Variants in EPHB1 observed in about 807,000 individuals in gnomAD.
EPHB1 encodes the protein EPH receptor B1.
Under a neutral mutation model 94.4 loss-of-function variants are expected in EPHB1, and 30 were observed. The observed-to-expected ratio is 0.32, with a 90% CI of 0.24 to 0.43. The LOEUF (loss-of-function observed/expected upper bound fraction) is 0.43, where lower values mean the gene tolerates loss of function less well. EPHB1 is among the 20% of genes least tolerant of loss of function. The probability of loss-of-function intolerance (pLI) is 1.00; values close to 1 mark genes in which losing one functional copy is unlikely to be tolerated. For synonymous variants in EPHB1, 522 were observed against 489.1 expected (o/e 1.07, Z -0.89); for missense variants, 1,055 against 1,308.3 (o/e 0.81, Z 2.99).
At chr3:134,928,502 T>C (rs536561513) in intron 2 of EPHB1, among the ~76,000 whole-genome samples, 28 of 152,342 alleles carry the variant, frequency 1.8e-4, no homozygotes, top group South Asian at 8.3e-4. Context: ...TGTTTCACTA[T>C]TGAAAGTTTC....
chr3:134,937,981 G>T (rs2039041071), intron 2 of EPHB1, among the ~76,000 whole-genome samples: 1 of 151,136 alleles, frequency 6.6e-6, no homozygotes, highest in South Asian at 2.1e-4. Flanking sequence ...TGGCTGGTGG[G>T]GTGGGCGATG....
At chr3:135,114,288 T>A (rs1438057135) in intron 4 of EPHB1, among the ~76,000 whole-genome samples, 1 of 152,124 alleles carries the variant, frequency 6.6e-6, no homozygotes, top group Non-Finnish European at 1.5e-5. Flanking sequence ...CAAGTCCTGC[T>A]CTACTACTGA....
chr3:134,885,711 G>A (rs1280330380), intron 1 of EPHB1, among the ~76,000 whole-genome samples: 2 of 152,194 alleles, frequency 1.3e-5, no homozygotes, highest in African/African-American at 2.4e-5. Context: ...AGAACCCAGG[G>A]GGCTTAGTTA....
chr3:134,958,488 G>A (rs1358160685), intron 3 of EPHB1, among the ~76,000 whole-genome samples: 2 of 151,414 alleles, frequency 1.3e-5, no homozygotes, highest in East Asian at 1.9e-4. Context: ...AGGGCACCAA[G>A]GAGCCCTCTC....
chr3:135,087,105 C>T (rs1553731307), intron 3 of EPHB1, among the ~76,000 whole-genome samples: 2 of 152,154 alleles, frequency 1.3e-5, no homozygotes, highest in Non-Finnish European at 2.9e-5. Context: ...AACCCTTTAG[C>T]TCCTGAAAAA....
chr3:134,999,410 C>T (rs1935102315), intron 3 of EPHB1, among the ~76,000 whole-genome samples: 1 of 152,104 alleles, frequency 6.6e-6, no homozygotes, highest in African/African-American at 2.4e-5. Flanking sequence ...AGGATAAAAT[C>T]AGATATGAGG....
intron 3 of EPHB1, among the ~76,000 whole-genome samples, chr3:134,974,388 G>A (rs1002302791): frequency 3.3e-5 from 5 of 152,136 alleles, no homozygotes; most frequent in Admixed American, 2.0e-4. Context: ...CTTTCTGTGC[G>A]TTGCTTTCCT....
At chr3:135,156,001 G>A (rs114312449) in intron 6 of EPHB1, among the ~76,000 whole-genome samples, 339 of 151,996 alleles carry the variant, frequency 2.2e-3, no homozygotes, top group African/African-American at 7.6e-3. Context: ...TTGAAATGTA[G>A]TTGATTTCCA....
In EPHB1 at chr3:135,006,401, G is replaced by C. The variant is rs555533157; in HGVS notation, c.805+54349G>C. ...AAATGTTCTGGATATAGATAGTGGTGGTGGTGATATAATATTGTGAATGGA... is the reference window on the plus strand; with the variant it reads ...AAATGTTCTGGATATAGATAGTGGTCGTGGTGATATAATATTGTGAATGGA... On this transcript the variant is annotated intron_variant, in intron 3 of 15. Transcript: ENST00000398015. 5.3e-5 allele frequency among the ~76,000 whole-genome samples: 8 copies of C among 152,264 alleles called. No individual in the cohort carries two copies. In the South Asian group the frequency reaches 1.5e-3, roughly 28 times the overall value.
At chr3:135,133,338 A>C (rs1576415075) in intron 5 of EPHB1, among the ~76,000 whole-genome samples, 2 of 152,236 alleles carry the variant, frequency 1.3e-5, no homozygotes, top group African/African-American at 4.8e-5. Context: ...GCCTGAGCTC[A>C]ACAAATCCTG....
At chr3:134,949,979 T>C (rs920390238) in intron 2 of EPHB1, among the ~76,000 whole-genome samples, 7 of 152,320 alleles carry the variant, frequency 4.6e-5, no homozygotes, top group African/African-American at 9.6e-5. Flanking sequence ...TTGCCTGTTA[T>C]TGAAATAATC....
chr3:135,206,301 ATT>A (rs1329884717), intron 12 of EPHB1, among the ~76,000 whole-genome samples: 2 of 152,154 alleles, frequency 1.3e-5, no homozygotes, highest in African/African-American at 4.8e-5. Flanking sequence ...TTGACTATGT[ATT>A]GGGAAGTATA....
rs56186270 is a variant in EPHB1 at position 135,259,107 on chromosome 3, C to A, written c.2942C>A (p.Thr981Lys). ...AGGGTCCAGATAAGTCAGTCACCAA[C>A]GGCAATGGCATGAGAACTCTTGTTT... ...SMRVQISQSP[T>K]AMA Residue 981 changes from threonine (T) to lysine (K), a missense_variant, in exon 16 of 16, where the codon ACG becomes AAG. Thr to Lys is a moderately conservative substitution (Grantham distance 78). Coordinates refer to ENST00000398015, the MANE Select transcript of EPHB1 (RefSeq NM_004441.5). 3 of 1,607,984 alleles carry A rather than the reference C, an allele frequency of 1.9e-6. No individual in the cohort carries two copies. Among genetic ancestry groups the A allele is most frequent in the East Asian group, 2.2e-5 (1 of 44,762 alleles).
chr3:135,105,484 G>A (rs1284895348), intron 3 of EPHB1, among the ~76,000 whole-genome samples: 2 of 152,172 alleles, frequency 1.3e-5, no homozygotes, highest in African/African-American at 4.8e-5. Flanking sequence ...TGGGGAAGTA[G>A]GGTAGGCAGA....
intron 1 of EPHB1, among the ~76,000 whole-genome samples, chr3:134,834,233 C>T (rs758648935): frequency 6.6e-6 from 1 of 152,098 alleles, no homozygotes; most frequent in African/African-American, 2.4e-5. Flanking sequence ...TAGAATAGAG[C>T]CTGGTAAACA....
chr3:134,915,710 A>G (rs1388032090), intron 1 of EPHB1, among the ~76,000 whole-genome samples: 1 of 151,976 alleles, frequency 6.6e-6, no homozygotes, highest in Non-Finnish European at 1.5e-5. Context: ...AGTGAGGGTT[A>G]CAACTCTTAA....
At chr3:134,934,719 AAG>A (rs3836286) in intron 2 of EPHB1, among the ~76,000 whole-genome samples, 11,135 of 151,064 alleles carry the variant, frequency 0.074, 678 homozygotes, top group Admixed American at 0.21. Flanking sequence ...GGGAGAGAGA[AAG>A]AGAGAGAGAG....
intron 9 of EPHB1, among the ~76,000 whole-genome samples, chr3:135,175,870 G>A (rs927847963): frequency 6.6e-6 from 1 of 152,140 alleles, no homozygotes; most frequent in Non-Finnish European, 1.5e-5. Context: ...CTCTGTAGCT[G>A]ACTTGAATTC....
At position 134,925,854 on chromosome 3, in the gene EPHB1, G is replaced by C; in HGVS notation, c.97G>C (p.Gly33Arg). Reference sequence around the variant, plus strand: ...CACCAGAACGGCTACTGCAGAGCTGGGCTGGACGGCCAATCCTGCGTCCGG... The same window carrying C: ...CACCAGAACGGCTACTGCAGAGCTGCGCTGGACGGCCAATCCTGCGTCCGG... Reference protein sequence around the residue: ...MDTRTATAELGWTANPASGWE... With the variant: ...MDTRTATAELRWTANPASGWE... The change falls in exon 2 of 16, where the codon GGC (glycine) becomes CGC (arginine). Residue 33 changes from glycine (G) to arginine (R), a missense_variant. Coordinates refer to ENST00000398015, the MANE Select transcript of EPHB1 (RefSeq NM_004441.5). The C allele has an allele frequency of 2.5e-6, 4 of 1,605,408 alleles. No homozygotes were observed. The highest frequency in any genetic ancestry group is 2.6e-6 in the Non-Finnish European group (3 of 1,175,766).
Sources: allele counts gnomAD v4.1 joint callset (sites outside exome capture counted in the v4.1 genomes callset), GRCh38; gene constraint gnomAD v4.1.1; transcripts MANE v1.5; gene names NCBI Gene and HGNC (gene_info 2026-07-23, HGNC 2026-07-21).